RNF17: variants seen among roughly 807,000 people sequenced by gnomAD.
RNF17 encodes the protein ring finger protein 17.
In RNF17, 31 loss-of-function variants were observed where a neutral mutation model predicts 200.5. The observed-to-expected ratio is 0.15, with a 90% confidence interval of 0.12 to 0.21. The LOEUF (loss-of-function observed/expected upper bound fraction) is 0.21. RNF17 is among the 10% of genes least tolerant of loss of function. The pLI, the probability that RNF17 is intolerant of heterozygous loss-of-function variation, is 1.00. For synonymous variants in RNF17, 606 were observed against 637.8 expected, an observed-to-expected ratio of 0.95 and a Z score of 0.75; for missense variants, 1,628 against 1,905.1, an observed-to-expected ratio of 0.85 and a Z score of 2.71.
At chr13:24,884,223 T>C (rs750268775), downstream of RNF17, 1 of 1,614,224 alleles carries the variant, frequency 6.2e-7, no homozygotes, top group Non-Finnish European at 8.5e-7. Context: ...GTGAGTGGTC[T>C]GGGCAGCTGC....
downstream of RNF17, among the ~76,000 whole-genome samples, chr13:24,884,864 A>G (rs1416682310): frequency 6.6e-6 from 1 of 152,210 alleles, no homozygotes; most frequent in Non-Finnish European, 1.5e-5. Context: ...TGAGGAAAAA[A>G]TTCCCTCATC....
At chr13:24,802,720 AGTT>A (rs991476129) in intron 14 of RNF17, 149 bp downstream of exon 14, 2 of 591,310 alleles carry the variant, frequency 3.4e-6, no homozygotes, top group East Asian at 3.0e-5. Flanking sequence ...TTCTGAGTAC[AGTT>A]GTTGTCTGTG....
chr13:24,800,876 T>C (rs1157378840), intron 13 of RNF17, among the ~76,000 whole-genome samples: 4 of 152,224 alleles, frequency 2.6e-5, no homozygotes, highest in Non-Finnish European at 5.9e-5. Flanking sequence ...TTTATTATTC[T>C]ATTTAATGGC....
At chr13:24,770,188 T>C (rs1223929020) in intron 2 of RNF17, among the ~76,000 whole-genome samples, 1 of 152,136 alleles carries the variant, frequency 6.6e-6, no homozygotes, top group East Asian at 1.9e-4. Flanking sequence ...TTGTATAATC[T>C]TGGATAGGAA....
intron 6 of RNF17, among the ~76,000 whole-genome samples, chr13:24,784,225 G>A (rs1593242935): frequency 6.6e-6 from 1 of 152,154 alleles, no homozygotes; most frequent in East Asian, 1.9e-4. Context: ...AATCCCACTT[G>A]GTCATGGTGT....
At chr13:24,843,681 C>A in intron 19 of RNF17, 63 bp from the exon 20 acceptor site, 1 of 960,392 alleles carries the variant, frequency 1.0e-6, no homozygotes, top group Non-Finnish European at 1.6e-6. Flanking sequence ...AGATACAGAC[C>A]TGAGCAAATG....
downstream of RNF17, among the ~76,000 whole-genome samples, chr13:24,880,123 AT>A (rs1199838250): frequency 6.6e-6 from 1 of 151,320 alleles, no homozygotes; most frequent in Non-Finnish European, 1.5e-5. Context: ...CGACTGGTTA[AT>A]TTAGAAAGGA....
intron 9 of RNF17, among the ~76,000 whole-genome samples, chr13:24,791,557 T>G (rs1883863496): frequency 6.6e-6 from 1 of 152,162 alleles, no homozygotes; most frequent in South Asian, 2.1e-4. Flanking sequence ...TTGGTCTTGA[T>G]TCTGGGTTTA....
rs1889288982 is a variant in RNF17 at position 24,830,692 on chromosome 13, C to T, written c.2361+93C>T. On this transcript the variant is annotated intron_variant, in intron 17 of 35. Transcript: ENST00000255324. ...ATTGTCATCATAGAAATGTTAGTGT[C>T]CCTTTTTGTCTAGTTGCTGATACAG... The T allele has an allele frequency of 5.6e-6, 5 of 888,184 alleles. No individual in the cohort carries two copies. In the South Asian group the frequency reaches 7.5e-5, roughly 13 times the overall value. 55.0% of individuals were successfully genotyped at this position (888,184 alleles called of 1,614,324 possible). A position where few individuals can be genotyped will look rare whatever the true frequency, so the allele number is the denominator to read the frequency against.
chr13:24,754,032 C>T, the RNF17 span, among the ~76,000 whole-genome samples: 8 of 152,104 alleles, frequency 5.3e-5, no homozygotes, highest in South Asian at 1.7e-3. Flanking sequence ...GTGATGGGTG[C>T]CTGTAATCCC....
upstream of RNF17, among the ~76,000 whole-genome samples, chr13:24,761,138 A>G (rs192032400): frequency 6.6e-6 from 1 of 152,346 alleles, no homozygotes; most frequent in Non-Finnish European, 1.5e-5. Flanking sequence ...CGTCTATTCA[A>G]TAGATTAATT....
chr13:24,789,884 C>A (rs1713924006), intron 9 of RNF17, 112 bp downstream of exon 9: 2 of 690,928 alleles, frequency 2.9e-6, no homozygotes, highest in Non-Finnish European at 2.5e-6. Flanking sequence ...AAATAAAGGG[C>A]AAAATAGTTT....
rs1765288921 is a variant in RNF17 at position 24,824,781 on chromosome 13, A to G, written c.2092-838A>G. Among the ~76,000 whole-genome samples the G allele has an allele frequency of 2.0e-5, 3 of 152,212 alleles. No homozygotes were observed. In the South Asian group the frequency reaches 6.2e-4, roughly 31 times the overall value. ...CCACATAAATTCTTAAGACTTCGTT[A>G]TTACAAGGGCATAAACAGAACTATA... On this transcript the variant is annotated intron_variant, in intron 15 of 35. Transcript: ENST00000255324.
At chr13:24,866,755 C>T (rs984089312) in intron 30 of RNF17, among the ~76,000 whole-genome samples, 4 of 152,164 alleles carry the variant, frequency 2.6e-5, no homozygotes, top group African/African-American at 9.7e-5. Flanking sequence ...TTTATGTAGA[C>T]ATGTTTTCCC....
intron 24 of RNF17, among the ~76,000 whole-genome samples, chr13:24,852,047 G>A (rs938658394): frequency 6.6e-6 from 1 of 151,958 alleles, no homozygotes; most frequent in East Asian, 1.9e-4. Flanking sequence ...AGATCCTTTC[G>A]GGTTCTATGT....
At chr13:24,757,786 T>C in the RNF17 span, among the ~76,000 whole-genome samples, 3 of 152,370 alleles carry the variant, frequency 2.0e-5, no homozygotes, top group East Asian at 5.8e-4. Context: ...CTTCTCCACT[T>C]GGGCAGTTCT....
chr13:24,795,403 A>C (rs987802732), intron 10 of RNF17, among the ~76,000 whole-genome samples: 1 of 147,738 alleles, frequency 6.8e-6, no homozygotes, highest in Non-Finnish European at 1.5e-5. Context: ...CTCTCTCTCT[A>C]TGTGTGTGTG....
chr13:24,797,865 A>G (rs999514046), intron 11 of RNF17, among the ~76,000 whole-genome samples: 1 of 152,076 alleles, frequency 6.6e-6, no homozygotes, highest in African/African-American at 2.4e-5. Flanking sequence ...ATGAATAAAT[A>G]AATATATATT....
intron 16 of RNF17, among the ~76,000 whole-genome samples, chr13:24,828,497 C>T (rs1430324511): frequency 6.6e-6 from 1 of 152,002 alleles, no homozygotes; most frequent in African/African-American, 2.4e-5. Context: ...ACTTGTGTTC[C>T]TTCTTCTAAT....
Sources: allele counts gnomAD v4.1 joint callset (sites outside exome capture counted in the v4.1 genomes callset), GRCh38; gene constraint gnomAD v4.1.1; transcripts MANE v1.5; gene names NCBI Gene and HGNC (gene_info 2026-07-23, HGNC 2026-07-21).